Variants in NAV3 observed in about 807,000 individuals in gnomAD.
NAV3 encodes pore membrane and/or filament interacting like protein 1.
A neutral mutation model predicts 244.7 loss-of-function variants in NAV3; 87 were observed. The observed-to-expected ratio is 0.36, with a 90% CI of 0.30 to 0.42. The LOEUF is 0.42. Ranked by LOEUF, NAV3 falls within the 20% of genes least tolerant of loss-of-function variation. The probability of loss-of-function intolerance (pLI) is 1.00; values close to 1 mark genes in which losing one functional copy is unlikely to be tolerated. For missense variants in NAV3, 2,663 were observed against 2,893.3 expected, an observed-to-expected ratio of 0.92 and a Z score of 1.83; for synonymous variants, 1,126 against 1,042.2, an observed-to-expected ratio of 1.08 and a Z score of -1.55.
At position 77,897,430 on chromosome 12, in the gene NAV3, C is replaced by A. The variant is rs149218831; in HGVS notation, c.244-42889C>A. On this transcript the variant is annotated intron_variant, in intron 1 of 39. Coordinates refer to ENST00000397909, the MANE Select transcript of NAV3 (RefSeq NM_001024383.2). ...TCCATGTAATCCTAGAACTCTGACC[C>A]CATTCTCTTTTGCCCTTTCACCTCA... 6.4e-3 allele frequency among the ~76,000 whole-genome samples: 974 copies of A among 152,298 alleles called. 9 individuals carry two copies. The highest frequency in any genetic ancestry group is 0.02 in the Middle Eastern group (6 of 294).
intron 2 of NAV3, among the ~76,000 whole-genome samples, chr12:77,588,255 A>C (rs1329438172): frequency 6.6e-6 from 1 of 151,770 alleles, no homozygotes; most frequent in Non-Finnish European, 1.5e-5. Context: ...CTGGGACTAC[A>C]GGTGCACACC....
At chr12:77,650,464 G>A (rs374358163) in intron 2 of NAV3, among the ~76,000 whole-genome samples, 1 of 152,092 alleles carries the variant, frequency 6.6e-6, no homozygotes, top group South Asian at 2.1e-4. Flanking sequence ...ATTTGATGTT[G>A]AGTTTCAAGG....
intron 2 of NAV3, among the ~76,000 whole-genome samples, chr12:77,708,972 G>A (rs1364805052): frequency 6.6e-6 from 1 of 152,076 alleles, no homozygotes; most frequent in Non-Finnish European, 1.5e-5. Flanking sequence ...TGAGACGATG[G>A]GGTTTTCTAA....
At chr12:77,861,003 A>T (rs1879176395) in intron 1 of NAV3, among the ~76,000 whole-genome samples, 2 of 151,924 alleles carry the variant, frequency 1.3e-5, no homozygotes, top group Non-Finnish European at 2.9e-5. Context: ...ACTTAAAAGC[A>T]TAACATTGCA....
chr12:78,033,680 CAA>C (rs1230846576), intron 9 of NAV3, among the ~76,000 whole-genome samples: 2 of 152,230 alleles, frequency 1.3e-5, no homozygotes, highest in African/African-American at 4.8e-5. Flanking sequence ...TATCTTTGAA[CAA>C]AGAGACAGAA....
rs200137593 is a variant in NAV3 at position 78,144,368 on chromosome 12, AT to A, written c.4684-1999del. Among the ~76,000 whole-genome samples the A allele has an allele frequency of 1.7e-3, 264 of 152,200 alleles. 4 individuals are homozygous for A. The East Asian group carries it at 0.027, about 15-fold the overall frequency. ...TCATATTTTTTATCATCTCCAGGAC[AT>A]TGGGCTTGCTCAAAACCATTGTTAA... On this transcript the variant is annotated intron_variant, in intron 20 of 39. Coordinates refer to ENST00000397909, the MANE Select transcript of NAV3 (RefSeq NM_001024383.2).
intron 39 of NAV3, among the ~76,000 whole-genome samples, chr12:78,209,914 G>T (rs1283412530): frequency 6.6e-6 from 1 of 152,164 alleles, no homozygotes; most frequent in Non-Finnish European, 1.5e-5. Flanking sequence ...CAGATGGTGT[G>T]CTTGTGTGCA....
At chr12:78,144,597 C>T (rs1396464059) in intron 20 of NAV3, among the ~76,000 whole-genome samples, 1 of 151,876 alleles carries the variant, frequency 6.6e-6, no homozygotes, top group Non-Finnish European at 1.5e-5. Context: ...AAAAGTCATG[C>T]TATACGGTAT....
intron 2 of NAV3, among the ~76,000 whole-genome samples, chr12:77,804,805 C>A (rs148630030): frequency 6.6e-6 from 1 of 151,968 alleles, no homozygotes; most frequent in Non-Finnish European, 1.5e-5. Flanking sequence ...TGTCCATGAG[C>A]GTGGAATGTT....
intron 1 of NAV3, among the ~76,000 whole-genome samples, chr12:77,858,858 A>G (rs1304816078): frequency 2.0e-5 from 3 of 152,134 alleles, no homozygotes; most frequent in Non-Finnish European, 2.9e-5. Flanking sequence ...AGTCTCATTA[A>G]GTATTCAACT....
chr12:77,920,005 T>G (rs1887549782), intron 1 of NAV3, among the ~76,000 whole-genome samples: 1 of 151,992 alleles, frequency 6.6e-6, no homozygotes, highest in African/African-American at 2.4e-5. Flanking sequence ...GGTTTATAAC[T>G]TACCACTAAT....
At chr12:77,987,769 T>C (rs745924256) in intron 5 of NAV3, among the ~76,000 whole-genome samples, 20 of 152,176 alleles carry the variant, frequency 1.3e-4, no homozygotes, top group Non-Finnish European at 2.6e-4. Context: ...TCAAGACATA[T>C]CGAGATATTC....
intron 1 of NAV3, among the ~76,000 whole-genome samples, chr12:77,935,457 G>C (rs1332638322): frequency 6.6e-6 from 1 of 152,008 alleles, no homozygotes; most frequent in East Asian, 1.9e-4. Context: ...TAATTAGTTA[G>C]GTAAACTATA....
chr12:77,839,752 T>C (rs1565844084), intron 1 of NAV3, among the ~76,000 whole-genome samples: 2 of 152,268 alleles, frequency 1.3e-5, no homozygotes, highest in Non-Finnish European at 2.9e-5. Flanking sequence ...TAATTCTCTA[T>C]AGATGGGAAA....
At chr12:77,680,004 G>A (rs946356902) in intron 2 of NAV3, among the ~76,000 whole-genome samples, 1 of 152,072 alleles carries the variant, frequency 6.6e-6, no homozygotes, top group Non-Finnish European at 1.5e-5. Flanking sequence ...GAGTGAGAAC[G>A]AAAAGAGAGG....
At chr12:78,041,763 G>A (rs1880898362) in intron 9 of NAV3, among the ~76,000 whole-genome samples, 1 of 152,058 alleles carries the variant, frequency 6.6e-6, no homozygotes, top group African/African-American at 2.4e-5. Flanking sequence ...GGTGTTAAAG[G>A]GGCACATTTG....
intron 2 of NAV3, among the ~76,000 whole-genome samples, chr12:77,612,894 A>T (rs1870980319): frequency 6.6e-6 from 1 of 151,954 alleles, no homozygotes; most frequent in Non-Finnish European, 1.5e-5. Context: ...CATGACAGTG[A>T]GTGTGTTCTC....
chr12:77,616,703 C>A (rs954506308), intron 2 of NAV3, among the ~76,000 whole-genome samples: 5 of 151,422 alleles, frequency 3.3e-5, no homozygotes, highest in African/African-American at 1.2e-4. Flanking sequence ...ACACACAAAA[C>A]CTGCTATTTG....
intron 12 of NAV3, among the ~76,000 whole-genome samples, chr12:78,068,866 T>C (rs1039476243): frequency 3.3e-5 from 5 of 151,762 alleles, no homozygotes; most frequent in Non-Finnish European, 7.4e-5. Context: ...ATGATATTAC[T>C]TTTCATGATG....
Sources: gnomAD v4.1 joint callset for allele counts (sites outside exome capture counted in the v4.1 genomes callset) on GRCh38, gnomAD v4.1.1 for gene constraint, MANE v1.5 for transcripts, NCBI Gene and HGNC (gene_info 2026-07-23, HGNC 2026-07-21) for gene names.